The following SLC35F5 variants were observed in gnomAD, a reference collection of about 807,000 sequenced individuals.
SLC35F5 encodes HCV NS5A-transactivated protein 3.
A neutral mutation model predicts 68.6 loss-of-function variants in SLC35F5; 54 were observed. The observed-to-expected ratio is 0.79, with a 90% CI of 0.63 to 0.99. The LOEUF is 0.99. Among genes scored for constraint, SLC35F5 ranks in the 50% least tolerant of loss-of-function variants. The pLI is 0.00. For missense variants in SLC35F5, 567 were observed against 626.9 expected (o/e 0.90, Z 1.02); for synonymous variants, 211 against 205.2 (o/e 1.03, Z -0.24).
chr2:113,712,356 G>A lies in SLC35F5; in HGVS notation c.*2862C>T, dbSNP rs549846282. 8.6e-5 allele frequency among the ~76,000 whole-genome samples: 13 copies of A among 151,130 alleles called. No homozygotes were observed. The highest frequency in any genetic ancestry group is 1.2e-4 in the African/African-American group (5 of 41,024). On this transcript the variant is annotated 3_prime_UTR_variant, in exon 16 of 16. Coordinates refer to ENST00000245680, the MANE Select transcript of SLC35F5 (RefSeq NM_025181.5). ...TTTTTTGAGACGGAGTCTCGCTGTC[G>A]CCCAGGCTGGAGTGCAGGGGCACGA...
chr2:113,749,548 A>G (rs1295584855), intron 4 of SLC35F5, among the ~76,000 whole-genome samples: 1 of 152,232 alleles, frequency 6.6e-6, no homozygotes, highest in Non-Finnish European at 1.5e-5. Flanking sequence ...AGATAAGACA[A>G]GAAACAATAC....
chr2:113,736,759 A>G (rs1688112723), intron 7 of SLC35F5, among the ~76,000 whole-genome samples: 1 of 152,332 alleles, frequency 6.6e-6, no homozygotes, highest in East Asian at 1.9e-4. Context: ...CTTTGGATAC[A>G]GTGAAGGAAG....
rs1160846939 is a variant in SLC35F5, at chr2:113,755,528, TGAA to T, written c.54_56del (p.Ser19del). 1 of 1,613,604 alleles carries T rather than the reference TGAA, an allele frequency of 6.2e-7. No individual in the cohort carries two copies. The highest frequency in any genetic ancestry group is 2.2e-5 in the East Asian group (1 of 44,872). On this transcript the variant is annotated inframe_deletion, in exon 2 of 16. Transcript: ENST00000245680. The stretch of plus-strand genomic sequence containing the variant: ...TGGCAGATCTCAGTCTAAAAGGAGG[TGAA>T]GAACTCAGCACCCCTAAAAACAACC...
intron 4 of SLC35F5, among the ~76,000 whole-genome samples, chr2:113,749,202 T>C (rs986507818): frequency 7.2e-5 from 11 of 152,226 alleles, no homozygotes; most frequent in African/African-American, 2.2e-4. Context: ...TAAAAAACAA[T>C]TATTGAAAGC....
rs1251663710 is a variant in SLC35F5, at chr2:113,712,355, C to T, written c.*2863G>A. Among the ~76,000 whole-genome samples the T allele has an allele frequency of 6.6e-6, 1 of 151,774 alleles. No individual in the cohort carries two copies. The highest frequency in any genetic ancestry group is 6.6e-5 in the Admixed American group (1 of 15,254). ...TTTTTTTGAGACGGAGTCTCGCTGTCGCCCAGGCTGGAGTGCAGGGGCACG... is the reference window on the plus strand; with the variant it reads ...TTTTTTTGAGACGGAGTCTCGCTGTTGCCCAGGCTGGAGTGCAGGGGCACG... On this transcript the variant is annotated 3_prime_UTR_variant, in exon 16 of 16. Coordinates refer to ENST00000245680, the MANE Select transcript of SLC35F5 (RefSeq NM_025181.5).
rs1201832503 is a variant in SLC35F5 at position 113,742,835 on chromosome 2, G to C, written c.607C>G (p.Arg203Gly). The part of the protein sequence containing the change: ...RVRFSNIMEI[R>G]QLPSSHALEA... ...AATGCATGACTTGACGGAAGCTGTC[G>C]AATCTCCATGATATTACTGAACCTC... Residue 203 changes from arginine to glycine, a missense_variant, in exon 7 of 16, where the codon CGA becomes GGA. Coordinates refer to ENST00000245680, the MANE Select transcript of SLC35F5 (RefSeq NM_025181.5). 6 of 1,613,920 alleles carry C rather than the reference G, an allele frequency of 3.7e-6. No individual in the cohort carries two copies. The highest frequency in any genetic ancestry group is 5.1e-6 in the Non-Finnish European group (6 of 1,179,986).
At chr2:113,738,104 G>T (rs992130568) in intron 7 of SLC35F5, among the ~76,000 whole-genome samples, 1 of 151,466 alleles carries the variant, frequency 6.6e-6, no homozygotes, top group Non-Finnish European at 1.5e-5. Context: ...TTTTCTGTGT[G>T]TATATGTGAT....
rs1194796365 is a variant in SLC35F5 at position 113,709,115 on chromosome 2, C to T, written c.*6103G>A. 1.3e-5 allele frequency among the ~76,000 whole-genome samples: 2 copies of T among 152,176 alleles called. No homozygotes were observed. Among genetic ancestry groups the T allele is most frequent in the Admixed American group, 6.5e-5 (1 of 15,268 alleles). On this transcript the variant is annotated 3_prime_UTR_variant, in exon 16 of 16. Coordinates refer to ENST00000245680, the MANE Select transcript of SLC35F5 (RefSeq NM_025181.5). ...GCCTATGTGGTGTCACTGTTATTAC[C>T]ACTCTTTACAAAGCACTAAGTACAC...
At chr2:113,704,704 G>A (rs1023317754), downstream of SLC35F5, among the ~76,000 whole-genome samples, 3 of 151,746 alleles carry the variant, frequency 2.0e-5, no homozygotes, top group African/African-American at 7.3e-5. Flanking sequence ...TCCGAGTGCG[G>A]GGCCCGCCGA....
Position 113,752,696 on chromosome 2 carries a change from G to A in SLC35F5, c.274-2128C>T, listed in dbSNP as rs11884650. 7.2e-4 allele frequency among the ~76,000 whole-genome samples: 110 copies of A among 152,062 alleles called. 1 individual carries two copies. Among genetic ancestry groups the A allele is most frequent in the African/African-American group, 2.6e-3 (107 of 41,478 alleles). The stretch of plus-strand genomic sequence containing the variant: ...AAAAAGGAGGGAAGATACAGTTAAG[G>A]AGTAAAAGATACCACAAATGCAATG... On this transcript the variant is annotated intron_variant, in intron 3 of 15. Coordinates refer to ENST00000245680, the MANE Select transcript of SLC35F5 (RefSeq NM_025181.5).
chr2:113,753,162 G>GTTTTTTTTTTTTTTTTTTTTTTTTTTT (rs143010470), intron 3 of SLC35F5, among the ~76,000 whole-genome samples: 18 of 50,542 alleles, frequency 3.6e-4, no homozygotes, highest in South Asian at 7.4e-4. Flanking sequence ...TCCAAAGTTT[G>GTTTTTTTTTTTTTTTTTTTTTTTTTTT]TTTTTCTTTT....
chr2:113,712,505 C>CG lies in SLC35F5; in HGVS notation c.*2712dup, dbSNP rs1559307496. 6.6e-6 allele frequency among the ~76,000 whole-genome samples: 1 copy of CG among 152,022 alleles called. No homozygotes were observed. The highest frequency in any genetic ancestry group is 6.6e-5 in the Admixed American group (1 of 15,252). On this transcript the variant is annotated 3_prime_UTR_variant, in exon 16 of 16. Transcript: ENST00000245680. ...TAATTCTTTGTATTTTTAGTAGAGA[C>CG]GGGGTTTCACTGTGTTAACCAGGAT...
chr2:113,709,855 AG>A lies in SLC35F5; in HGVS notation c.*5362del, dbSNP rs2104949710. 6.6e-6 allele frequency among the ~76,000 whole-genome samples: 1 copy of A among 152,318 alleles called. No homozygotes were observed. The highest frequency in any genetic ancestry group is 1.9e-4 in the East Asian group (1 of 5,188). On this transcript the variant is annotated 3_prime_UTR_variant, in exon 16 of 16. Coordinates refer to ENST00000245680, the MANE Select transcript of SLC35F5 (RefSeq NM_025181.5). ...CAGACAGGGTCTCACTTTGCTGCCC[AG>A]GCTGGACTGCAGTGGCCCAATAATA...
chr2:113,742,972 C>A, intron 6 of SLC35F5, 93 bp from the exon 7 acceptor site: 1 of 1,226,482 alleles, frequency 8.2e-7, no homozygotes. Context: ...ATAAGTTCAT[C>A]TATGATCAGA....
chr2:113,735,932 CT>C (rs142249018), intron 7 of SLC35F5, 74 bp from the exon 8 acceptor site: 186,711 of 912,390 alleles, frequency 0.2, 20,803 homozygotes, highest in South Asian at 0.24. Flanking sequence ...TCAGAATTCC[CT>C]TTTTTGTTCT....
intron 7 of SLC35F5, among the ~76,000 whole-genome samples, 155 bp from the exon 8 acceptor site, chr2:113,736,013 A>G (rs1386674531): frequency 6.6e-6 from 1 of 152,178 alleles, no homozygotes; most frequent in Non-Finnish European, 1.5e-5. Context: ...AGGCTCCCAA[A>G]AAAGACAAAC....
At chr2:113,722,290 T>C (rs879279311) in intron 13 of SLC35F5, among the ~76,000 whole-genome samples, 4 of 152,140 alleles carry the variant, frequency 2.6e-5, no homozygotes, top group South Asian at 2.1e-4. Context: ...TAGAGAAAAA[T>C]AGGTTTAAAA....
chr2:113,731,946 C>A (rs2104439076), intron 9 of SLC35F5, among the ~76,000 whole-genome samples: 1 of 152,172 alleles, frequency 6.6e-6, no homozygotes, highest in African/African-American at 2.4e-5. Context: ...GGTAACTTGA[C>A]CAAGATCACA....
rs191342324 is a variant in SLC35F5 at position 113,721,705 on chromosome 2, C to T, written c.1341+1399G>A. Among the ~76,000 whole-genome samples the T allele has an allele frequency of 1.6e-4, 25 of 151,952 alleles. No individual in the cohort carries two copies. In the East Asian group the frequency reaches 4.9e-3, roughly 29 times the overall value. Reference sequence around the variant, plus strand: ...GTTTGGTTCATATTCAGGATTATGACCTGAAGATGAAGAAGGGCCTAGATA... The same window carrying T: ...GTTTGGTTCATATTCAGGATTATGATCTGAAGATGAAGAAGGGCCTAGATA... On this transcript the variant is annotated intron_variant, in intron 13 of 15. Transcript: ENST00000245680.
Sources: gnomAD v4.1 joint callset for allele counts (sites outside exome capture counted in the v4.1 genomes callset) on GRCh38, gnomAD v4.1.1 for gene constraint, MANE v1.5 for transcripts, NCBI Gene and HGNC (gene_info 2026-07-23, HGNC 2026-07-21) for gene names.